The following SCFD2 variants were observed in gnomAD, a reference collection of about 807,000 sequenced individuals.
The protein encoded by SCFD2 is sec1 family domain containing 2.
In SCFD2, 54 loss-of-function variants were observed where a neutral mutation model predicts 58.9. That is an observed-to-expected ratio of 0.92 (90% CI 0.74 to 1.15). SCFD2 has a LOEUF of 1.15. SCFD2 is among the 50% of genes most tolerant of loss of function. SCFD2 has a pLI of 0.00. For missense variants in SCFD2, 805 were observed against 836.6 expected (o/e 0.96, Z 0.47); for synonymous variants, 321 against 335.9 (o/e 0.96, Z 0.49).
At chr4:52,921,762 C>T (rs1719741961) in intron 5 of SCFD2, among the ~76,000 whole-genome samples, 1 of 152,126 alleles carries the variant, frequency 6.6e-6, no homozygotes, top group East Asian at 1.9e-4. Context: ...TGCTTCCTAC[C>T]TCAGTACCTG....
intron 5 of SCFD2, among the ~76,000 whole-genome samples, chr4:53,013,647 A>G (rs1385464762): frequency 6.6e-6 from 1 of 152,196 alleles, no homozygotes; most frequent in Admixed American, 6.5e-5. Context: ...GGCAGTAATA[A>G]GGTAGTTTTA....
At chr4:53,358,415 G>A (rs1734458563) in intron 1 of SCFD2, among the ~76,000 whole-genome samples, 1 of 152,090 alleles carries the variant, frequency 6.6e-6, no homozygotes, top group African/African-American at 2.4e-5. Flanking sequence ...GGGCGTGGTG[G>A]TGGCTTTCCT....
chr4:53,296,167 G>A (rs1204518116), intron 3 of SCFD2, among the ~76,000 whole-genome samples: 3 of 152,176 alleles, frequency 2.0e-5, no homozygotes, highest in Non-Finnish European at 4.4e-5. Context: ...GAGTTAGGGA[G>A]GATTCCCTCT....
intron 5 of SCFD2, among the ~76,000 whole-genome samples, chr4:53,037,032 C>T (rs1423416310): frequency 6.6e-6 from 1 of 152,024 alleles, no homozygotes; most frequent in Non-Finnish European, 1.5e-5. Flanking sequence ...GTGGCGGTTA[C>T]ATGACTGCAT....
At chr4:53,292,261 C>T (rs777300794) in intron 3 of SCFD2, among the ~76,000 whole-genome samples, 1 of 151,948 alleles carries the variant, frequency 6.6e-6, no homozygotes, top group African/African-American at 2.4e-5. Context: ...AGAGCAAACA[C>T]ACAATCTACA....
intron 5 of SCFD2, among the ~76,000 whole-genome samples, chr4:53,027,031 G>A (rs980489105): frequency 6.6e-6 from 1 of 152,150 alleles, no homozygotes; most frequent in Non-Finnish European, 1.5e-5. Flanking sequence ...ATACACCAAG[G>A]TAACAATCTC....
intron 7 of SCFD2, among the ~76,000 whole-genome samples, chr4:52,907,042 C>T (rs561749106): frequency 6.6e-6 from 1 of 152,170 alleles, no homozygotes; most frequent in South Asian, 2.1e-4. Context: ...TGAGGTGATG[C>T]TAGCCATAGG....
intron 4 of SCFD2, among the ~76,000 whole-genome samples, chr4:53,246,614 T>G (rs1483771351): frequency 6.6e-6 from 1 of 152,136 alleles, no homozygotes; most frequent in East Asian, 1.9e-4. Context: ...CCCTATTCAA[T>G]AAATGGTGCT....
chr4:53,230,138 A>G (rs904139553), intron 4 of SCFD2, among the ~76,000 whole-genome samples: 20 of 152,174 alleles, frequency 1.3e-4, no homozygotes, highest in Non-Finnish European at 2.2e-4. Context: ...GCTGGAGAGG[A>G]TGTGGAGAAA....
chr4:53,160,875 A>ATAGTGAAGT (rs1345042790), intron 4 of SCFD2, among the ~76,000 whole-genome samples: 2 of 152,222 alleles, frequency 1.3e-5, no homozygotes, highest in Non-Finnish European at 2.9e-5. Context: ...ATAGTGAGAA[A>ATAGTGAAGT]TAGTGAAGTC....
chr4:53,254,486 C>CT (rs796766166), intron 4 of SCFD2, among the ~76,000 whole-genome samples: 1,587 of 145,554 alleles, frequency 0.011, 16 homozygotes, highest in African/African-American at 0.031. Flanking sequence ...TTCTTTTTTT[C>CT]TTTTTTTTTT....
intron 5 of SCFD2, among the ~76,000 whole-genome samples, chr4:52,997,006 A>G (rs1721754924): frequency 6.6e-6 from 1 of 152,256 alleles, no homozygotes; most frequent in Non-Finnish European, 1.5e-5. Flanking sequence ...TACTCAGAAC[A>G]GCAGTGCCAT....
intron 4 of SCFD2, among the ~76,000 whole-genome samples, chr4:53,272,227 G>A (rs1731192214): frequency 6.6e-6 from 1 of 152,076 alleles, no homozygotes; most frequent in African/African-American, 2.4e-5. Flanking sequence ...AGGATGTGGA[G>A]AAATAGGAAC....
At chr4:53,256,011 CG>C (rs1302774710) in intron 4 of SCFD2, among the ~76,000 whole-genome samples, 3 of 145,572 alleles carry the variant, frequency 2.1e-5, no homozygotes, top group African/African-American at 5.1e-5. Context: ...GCTGGCCGGG[CG>C]GGGGTCTGAC....
chr4:53,272,855 TA>T (rs1047295201), intron 4 of SCFD2, among the ~76,000 whole-genome samples: 21 of 150,708 alleles, frequency 1.4e-4, no homozygotes, highest in African/African-American at 4.1e-4. Flanking sequence ...AAAGTATAAT[TA>T]AAAAAAAATA....
intron 5 of SCFD2, among the ~76,000 whole-genome samples, chr4:53,128,301 C>A (rs1374149323): frequency 1.3e-5 from 2 of 152,092 alleles, no homozygotes; most frequent in South Asian, 2.1e-4. Context: ...TATAGCTGAC[C>A]TGATGTGTAA....
At chr4:53,184,795 T>C (rs1169978203) in intron 4 of SCFD2, among the ~76,000 whole-genome samples, 1 of 152,092 alleles carries the variant, frequency 6.6e-6, no homozygotes, top group African/African-American at 2.4e-5. Context: ...TTTGTTATCA[T>C]GAGGCTTTGT....
At position 52,873,897 on chromosome 4, in the gene SCFD2, G is replaced by A. The variant is rs1718407458; in HGVS notation, c.*72C>T. On this transcript the variant is annotated 3_prime_UTR_variant, in exon 9 of 9. Transcript: ENST00000401642. ...TGACAGGGACGCTGGTTGTGGAGGA[G>A]TATTTGGAGTGGTGGCAGAAAATTG... 9.5e-7 allele frequency: 1 copy of A among 1,057,296 alleles called. No homozygotes were observed. The highest frequency in any genetic ancestry group is 1.3e-5 in the South Asian group (1 of 77,956). 65.5% of individuals were successfully genotyped at this position (1,057,296 alleles called of 1,614,324 possible). A position where few individuals can be genotyped will look rare whatever the true frequency, so the allele number is the denominator to read the frequency against.
intron 4 of SCFD2, among the ~76,000 whole-genome samples, chr4:53,161,948 A>T (rs1221903059): frequency 6.6e-6 from 1 of 152,172 alleles, no homozygotes; most frequent in African/African-American, 2.4e-5. Flanking sequence ...TTTGTCTATC[A>T]TCAAGGGAGC....
Sources: allele counts gnomAD v4.1 joint callset (sites outside exome capture counted in the v4.1 genomes callset), GRCh38; gene constraint gnomAD v4.1.1; transcripts MANE v1.5; gene names NCBI Gene and HGNC (gene_info 2026-07-23, HGNC 2026-07-21).